ZDHHC3: variants seen among roughly 807,000 people sequenced by gnomAD.
ZDHHC3 encodes palmitoyltransferase ZDHHC3.
A neutral mutation model predicts 30.6 loss-of-function variants in ZDHHC3; 9 were observed. That is an observed-to-expected ratio of 0.29 (90% CI 0.18 to 0.51). The LOEUF (loss-of-function observed/expected upper bound fraction) is 0.51. ZDHHC3 is among the 20% of genes least tolerant of loss of function. The pLI is 0.97. For missense variants in ZDHHC3, 246 were observed against 384.2 expected (o/e 0.64, Z 3.01); for synonymous variants, 136 against 140.2 (o/e 0.97, Z 0.21).
intron 1 of ZDHHC3, among the ~76,000 whole-genome samples, chr3:44,966,054 C>T (rs2125924463): frequency 6.6e-6 from 1 of 152,308 alleles, no homozygotes; most frequent in East Asian, 1.9e-4. Context: ...TGTATACAGA[C>T]TGGTTTAACA....
At position 44,922,899 on chromosome 3, in the gene ZDHHC3, G is replaced by C. The variant is rs576565516; in HGVS notation, c.*3790C>G. The C allele has an allele frequency of 1.0e-4, 103 of 985,068 alleles. No homozygotes were observed. The highest frequency in any genetic ancestry group is 4.6e-4 in the East Asian group (4 of 8,780). The allele number at this position is 985,068 out of a possible 1,614,324, so 61.0% of individuals were successfully genotyped here. On this transcript the variant is annotated 3_prime_UTR_variant, in exon 7 of 7. Transcript: ENST00000424952. ...TTTTCACATTTCTTTGATATCTAAG[G>C]GCACCTTCTAGGTGGGGCGCCTTCC...
chr3:44,945,125 A>G, intron 3 of ZDHHC3, 43 bp downstream of exon 3: 1 of 1,612,478 alleles, frequency 6.2e-7, no homozygotes, highest in Non-Finnish European at 8.5e-7. Context: ...GGAGGGAGGC[A>G]GGACAGTGGG....
intron 3 of ZDHHC3, among the ~76,000 whole-genome samples, chr3:44,944,405 T>TA (rs1450013477): frequency 1.3e-4 from 20 of 152,164 alleles, no homozygotes; most frequent in African/African-American, 4.6e-4. Flanking sequence ...CTCAGCCTCC[T>TA]AAAGTGCTGG....
At position 44,922,497 on chromosome 3, in the gene ZDHHC3, C is replaced by T. The variant is rs1700664082; in HGVS notation, c.*4192G>A. ...TCTTGGCAGTTGTTTGTTGGGGAGG[C>T]CGCAGCTTATGAGGGAAGGCAGTCT... is the stretch of plus-strand genomic sequence containing the variant. On this transcript the variant is annotated 3_prime_UTR_variant, in exon 7 of 7. Coordinates refer to ENST00000424952, the MANE Select transcript of ZDHHC3 (RefSeq NM_001135179.2). 1 of 985,384 alleles carries T rather than the reference C, an allele frequency of 1.0e-6. No individual in the cohort carries two copies. The highest frequency in any genetic ancestry group is 1.2e-6 in the Non-Finnish European group (1 of 829,918). The allele number at this position is 985,384 out of a possible 1,614,324, so 61.0% of individuals were successfully genotyped here.
intron 1 of ZDHHC3, among the ~76,000 whole-genome samples, chr3:44,974,263 G>C (rs1469136539): frequency 2.0e-5 from 3 of 147,862 alleles, no homozygotes; most frequent in Non-Finnish European, 4.6e-5. Flanking sequence ...CAATTGTGAG[G>C]GGGGGACAGT....
rs972329645 is a variant in ZDHHC3, at chr3:44,959,970, C to T, written c.-24-510G>A. Among the ~76,000 whole-genome samples, 2 of 152,106 alleles carry T rather than the reference C, an allele frequency of 1.3e-5. No homozygotes were observed. Among genetic ancestry groups the T allele is most frequent in the East Asian group, 3.9e-4 (2 of 5,182 alleles). ...TAGAGATGGGGTTTTGCCATGTTGC[C>T]CAGGCTGATCTCAAACTCCTGAGCT... On this transcript the variant is annotated intron_variant, in intron 1 of 6. Transcript: ENST00000424952. This position sits in a 1 kb window ranked among gnomAD's most constrained non-coding sequence, Gnocchi z 4.3.
chr3:44,922,108 T>G lies in ZDHHC3; in HGVS notation c.*4581A>C. The G allele has an allele frequency of 1.0e-6, 1 of 985,480 alleles. No individual in the cohort carries two copies. Among genetic ancestry groups the G allele is most frequent in the Non-Finnish European group, 1.2e-6 (1 of 829,938 alleles). The allele number at this position is 985,480 out of a possible 1,614,324, so 61.0% of individuals were successfully genotyped here. A position where few individuals can be genotyped will look rare whatever the true frequency, so the allele number is the denominator to read the frequency against. ...AAGGTTCAGGTTGGGAGTACGCTGG[T>G]CAGTGGCTTGTTTCTGCTTCACTGT... On this transcript the variant is annotated 3_prime_UTR_variant, in exon 7 of 7. Transcript: ENST00000424952.
chr3:44,967,775 G>A (rs1357974955), intron 1 of ZDHHC3, among the ~76,000 whole-genome samples: 1 of 152,186 alleles, frequency 6.6e-6, no homozygotes, highest in Admixed American at 6.5e-5. Context: ...AGACCATGTG[G>A]TAGATTTTAG....
chr3:44,950,461 C>T (rs921670638), intron 2 of ZDHHC3, among the ~76,000 whole-genome samples: 4 of 152,200 alleles, frequency 2.6e-5, no homozygotes, highest in African/African-American at 7.2e-5. Context: ...ATTCTCATTA[C>T]GGCCTATTTA....
At chr3:44,950,230 T>C (rs1703322853) in intron 2 of ZDHHC3, among the ~76,000 whole-genome samples, 1 of 152,232 alleles carries the variant, frequency 6.6e-6, no homozygotes, top group East Asian at 1.9e-4. Context: ...TTGTCATGTG[T>C]ATAAGAGAAA....
intron 1 of ZDHHC3, among the ~76,000 whole-genome samples, chr3:44,963,533 A>G (rs1436300948): frequency 3.3e-5 from 5 of 150,302 alleles, no homozygotes; most frequent in Admixed American, 2.7e-4. Flanking sequence ...AACAAACTGT[A>G]TATGTTCCCT....
At position 44,976,004 on chromosome 3, in the gene ZDHHC3, C is replaced by T. The variant is rs1176795362; in HGVS notation, c.-96G>A. 4 of 371,310 alleles carry T rather than the reference C, an allele frequency of 1.1e-5. No homozygotes were observed. The highest frequency in any genetic ancestry group is 1.9e-5 in the Non-Finnish European group (4 of 209,226). 23.0% of individuals were successfully genotyped at this position (371,310 alleles called of 1,614,324 possible). The stretch of plus-strand genomic sequence containing the variant: ...CCGCCGCCGCCGCCGCTGCCTTCCC[C>T]TGCAGTCCCCAACCCGGGACCCGGC... On this transcript the variant is annotated 5_prime_UTR_variant, in exon 1 of 7. Transcript: ENST00000424952.
At chr3:44,956,523 C>T (rs1051857849) in intron 2 of ZDHHC3, among the ~76,000 whole-genome samples, 3 of 152,158 alleles carry the variant, frequency 2.0e-5, no homozygotes, top group African/African-American at 7.2e-5. Flanking sequence ...GTGAGGGAAA[C>T]GTGGGAGCTC....
chr3:44,929,031 G>A (rs1026372532), intron 6 of ZDHHC3, among the ~76,000 whole-genome samples: 1 of 152,164 alleles, frequency 6.6e-6, no homozygotes, highest in African/African-American at 2.4e-5. Flanking sequence ...GACCTGCCAT[G>A]GGGGGGATGG....
Position 44,952,084 on chromosome 3 carries a change from A to G in ZDHHC3, c.307-6792T>C, listed in dbSNP as rs1205106755. 3.3e-5 allele frequency among the ~76,000 whole-genome samples: 5 copies of G among 152,074 alleles called. No homozygotes were observed. The East Asian group carries it at 7.7e-4, about 24-fold the overall frequency. The stretch of plus-strand genomic sequence containing the variant: ...ACCTCTTGAATCTGCAGATCTCTCT[A>G]TTTGGCTGTCCCAAAGGCACTGTGC... On this transcript the variant is annotated intron_variant, in intron 2 of 6. Transcript: ENST00000424952.
In ZDHHC3 at chr3:44,945,307, A is replaced by C. The variant is rs1702820726; in HGVS notation, c.307-15T>G. The stretch of plus-strand genomic sequence containing the variant: ...GGCACTGCCCCCTGTAGGAAAGATG[A>C]AAGGTATCAGGGTTGGGCTGGGGGT... On this transcript the variant is annotated splice_polypyrimidine_tract_variant and intron_variant, in intron 2 of 6. Coordinates refer to ENST00000424952, the MANE Select transcript of ZDHHC3 (RefSeq NM_001135179.2). 3 of 1,614,182 alleles carry C rather than the reference A, an allele frequency of 1.9e-6. No homozygotes were observed. The highest frequency in any genetic ancestry group is 1.3e-5 in the African/African-American group (1 of 75,050).
In ZDHHC3 at chr3:44,922,334, C is replaced by T. The variant is rs2125787067; in HGVS notation, c.*4355G>A. On this transcript the variant is annotated 3_prime_UTR_variant, in exon 7 of 7. Coordinates refer to ENST00000424952, the MANE Select transcript of ZDHHC3 (RefSeq NM_001135179.2). ...CCCATCTGGAGGTCCCTTGGTTCTA[C>T]TCTTTTCTCTTTCCCTTCCGGGCTG... 1.0e-6 allele frequency: 1 copy of T among 985,412 alleles called. No individual in the cohort carries two copies. Among genetic ancestry groups the T allele is most frequent in the Non-Finnish European group, 1.2e-6 (1 of 829,924 alleles). 61.0% of individuals were successfully genotyped at this position (985,412 alleles called of 1,614,324 possible).
intron 2 of ZDHHC3, among the ~76,000 whole-genome samples, chr3:44,957,852 G>C (rs916156252): frequency 6.6e-6 from 1 of 152,228 alleles, no homozygotes; most frequent in Non-Finnish European, 1.5e-5. Flanking sequence ...GGTAAGAACA[G>C]TATCTGGGGC....
At chr3:44,939,460 A>G (rs1702256586) in intron 3 of ZDHHC3, among the ~76,000 whole-genome samples, 1 of 152,236 alleles carries the variant, frequency 6.6e-6, no homozygotes, top group Non-Finnish European at 1.5e-5. Context: ...TGTTTCTGGC[A>G]TGTTCTTCCA....
Sources: gnomAD v4.1 joint callset for allele counts (sites outside exome capture counted in the v4.1 genomes callset) on GRCh38, gnomAD v4.1.1 for gene constraint, Gnocchi (gnomAD v3.1) non-coding constraint, MANE v1.5 for transcripts, NCBI Gene and HGNC (gene_info 2026-07-23, HGNC 2026-07-21) for gene names.